The following SPTBN1 variants were observed in gnomAD, a reference collection of about 807,000 sequenced individuals.
The protein encoded by SPTBN1 is spectrin beta, non-erythrocytic 1.
In SPTBN1, 32 loss-of-function variants were observed where a neutral mutation model predicts 266.4. That is an observed-to-expected ratio of 0.12 (90% CI 0.09 to 0.16). SPTBN1 has a LOEUF of 0.16. Among genes scored for constraint, SPTBN1 ranks in the 10% least tolerant of loss-of-function variants. The pLI is 1.00. For synonymous variants in SPTBN1, 1,336 were observed against 1,162.2 expected, an observed-to-expected ratio of 1.15 and a Z score of -3.04; for missense variants, 2,296 against 3,067.1, an observed-to-expected ratio of 0.75 and a Z score of 5.94.
At chr2:54,486,382 A>G (rs889420202) in intron 1 of SPTBN1, among the ~76,000 whole-genome samples, 3 of 152,124 alleles carry the variant, frequency 2.0e-5, no homozygotes, top group African/African-American at 7.2e-5. Flanking sequence ...ACTAAGAAAA[A>G]TTCTTCTGCC....
intron 18 of SPTBN1, among the ~76,000 whole-genome samples, chr2:54,641,776 C>T (rs1279895234): frequency 1.3e-5 from 2 of 151,782 alleles, no homozygotes; most frequent in Non-Finnish European, 2.9e-5. Flanking sequence ...TGACCCACGT[C>T]GCTCTCCTTG....
At chr2:54,501,955 A>G (rs530298828) in intron 1 of SPTBN1, among the ~76,000 whole-genome samples, 1 of 152,364 alleles carries the variant, frequency 6.6e-6, no homozygotes, top group South Asian at 2.1e-4. Context: ...GGAGGTGATC[A>G]TTAGCATCTT....
Position 54,668,840 on chromosome 2 carries a change from C to CT in SPTBN1, c.*272dup. ...TTAGATCTCAGTATTTAAACTGTTC[C>CT]TCAATTTTGTGAGGCTGTGTTGGAA... On this transcript the variant is annotated 3_prime_UTR_variant, in exon 36 of 36. Coordinates refer to ENST00000356805, the MANE Select transcript of SPTBN1 (RefSeq NM_003128.3). 2.7e-6 allele frequency: 1 copy of CT among 370,376 alleles called. No homozygotes were observed. The highest frequency in any genetic ancestry group is 5.0e-6 in the Non-Finnish European group (1 of 200,884). The allele number at this position is 370,376 out of a possible 1,614,324, so 22.9% of individuals were successfully genotyped here.
At chr2:54,456,889 CGGCCCCTGACGCGGA>C (rs1192684737) in intron 1 of SPTBN1, among the ~76,000 whole-genome samples, 2 of 151,386 alleles carry the variant, frequency 1.3e-5, no homozygotes, top group Non-Finnish European at 3.0e-5. Context: ...CCGGGCGCGG[CGGCCCCTGACGCGGA>C]GGCCCCTGGC....
At chr2:54,503,443 C>T (rs888714829) in intron 1 of SPTBN1, among the ~76,000 whole-genome samples, 8 of 152,208 alleles carry the variant, frequency 5.3e-5, no homozygotes, top group Non-Finnish European at 1.0e-4. Flanking sequence ...GAACAAGATG[C>T]TCTTCAGAGA....
intron 1 of SPTBN1, among the ~76,000 whole-genome samples, chr2:54,502,542 T>C (rs1669329804): frequency 6.6e-6 from 1 of 152,046 alleles, no homozygotes. Context: ...AGTGGGGCTG[T>C]GTGTGCATGG....
intron 1 of SPTBN1, among the ~76,000 whole-genome samples, chr2:54,516,981 A>G (rs1670144215): frequency 6.6e-6 from 1 of 152,216 alleles, no homozygotes; most frequent in African/African-American, 2.4e-5. Context: ...CATTATCAGT[A>G]GAAAGGAATG....
intron 1 of SPTBN1, among the ~76,000 whole-genome samples, chr2:54,478,874 A>T: frequency 6.6e-6 from 1 of 151,914 alleles, no homozygotes; most frequent in East Asian, 1.9e-4. Flanking sequence ...ATAAAAAAAG[A>T]TGTATGTACG....
chr2:54,571,391 T>G (rs1674053998), intron 2 of SPTBN1, among the ~76,000 whole-genome samples: 2 of 152,248 alleles, frequency 1.3e-5, no homozygotes, highest in South Asian at 4.1e-4. Flanking sequence ...TATAATTGTA[T>G]TAAGAGGATG....
chr2:54,576,196 G>A (rs1191492030), intron 2 of SPTBN1, among the ~76,000 whole-genome samples: 5 of 151,418 alleles, frequency 3.3e-5, no homozygotes, highest in East Asian at 3.9e-4. Flanking sequence ...CTGGGATTAC[G>A]GGTGCCTGCC....
At chr2:54,506,197 A>C (rs1432594036) in intron 1 of SPTBN1, among the ~76,000 whole-genome samples, 1 of 152,176 alleles carries the variant, frequency 6.6e-6, no homozygotes, top group East Asian at 1.9e-4. Context: ...TGCTTGAATA[A>C]TTTGAATCCT....
At chr2:54,615,358 C>G (rs1207994589) in intron 4 of SPTBN1, among the ~76,000 whole-genome samples, 1 of 152,132 alleles carries the variant, frequency 6.6e-6, no homozygotes, top group Non-Finnish European at 1.5e-5. Flanking sequence ...GGACTCCTGG[C>G]CAGCACCATC....
chr2:54,477,128 CAGAG>C (rs929475072), intron 1 of SPTBN1, among the ~76,000 whole-genome samples: 1 of 152,076 alleles, frequency 6.6e-6, no homozygotes, highest in East Asian at 1.9e-4. Context: ...TGATAAGAAA[CAGAG>C]AGATAACTTT....
rs535873962 is a variant in SPTBN1 at position 54,558,832 on chromosome 2, G to A, written c.148+32266G>A. 1.6e-5 allele frequency: 26 copies of A among 1,613,892 alleles called. No homozygotes were observed. The South Asian group carries it at 2.9e-4, about 18-fold the overall frequency. On this transcript the variant is annotated intron_variant, in intron 2 of 35. Coordinates refer to ENST00000356805, the MANE Select transcript of SPTBN1 (RefSeq NM_003128.3). The surrounding 1 kb of genome is among the most constrained non-coding windows in gnomAD (Gnocchi z 4.6). ...CCGGGCCGCTGTCGCCGGCGTACAC[G>A]GGGCAGGTGCCTTACAACTACAACC... is the stretch of plus-strand genomic sequence containing the variant.
chr2:54,605,863 A>G (rs1312927682), intron 3 of SPTBN1, among the ~76,000 whole-genome samples: 1 of 152,184 alleles, frequency 6.6e-6, no homozygotes, highest in Non-Finnish European at 1.5e-5. Context: ...AGTTGCATCC[A>G]GGTCTGGAAT....
At chr2:54,657,178 G>A (rs753411370) in intron 29 of SPTBN1, among the ~76,000 whole-genome samples, 8 of 152,204 alleles carry the variant, frequency 5.3e-5, no homozygotes, top group Non-Finnish European at 1.0e-4. Context: ...TTTCCTCACA[G>A]GTGGAAGAAC....
intron 1 of SPTBN1, among the ~76,000 whole-genome samples, chr2:54,474,486 A>G (rs1338059023): frequency 1.3e-5 from 2 of 152,198 alleles, no homozygotes; most frequent in Non-Finnish European, 1.5e-5. Context: ...TAAGATCAGG[A>G]TAATCATAGT....
At chr2:54,604,870 C>T (rs1036801753) in intron 3 of SPTBN1, among the ~76,000 whole-genome samples, 2 of 152,166 alleles carry the variant, frequency 1.3e-5, no homozygotes, top group African/African-American at 4.8e-5. Flanking sequence ...TAAAAATAGG[C>T]ATTTCCTCAG....
chr2:54,571,764 A>G lies in SPTBN1; in HGVS notation c.149-27328A>G, dbSNP rs1217245898. Among the ~76,000 whole-genome samples the G allele has an allele frequency of 2.6e-5, 4 of 152,214 alleles. 1 individual carries two copies. The highest frequency in any genetic ancestry group is 5.9e-5 in the Non-Finnish European group (4 of 68,036). On this transcript the variant is annotated intron_variant, in intron 2 of 35. Transcript: ENST00000356805. Reference sequence around the variant, plus strand: ...ATACAAATAAATGTTTCATGAATAAAGGGATGAATGAGTAGGTAAAGTAAT... The same window carrying G: ...ATACAAATAAATGTTTCATGAATAAGGGGATGAATGAGTAGGTAAAGTAAT...
Sources: gnomAD v4.1 joint callset for allele counts (sites outside exome capture counted in the v4.1 genomes callset) on GRCh38, gnomAD v4.1.1 for gene constraint, Gnocchi (gnomAD v3.1) non-coding constraint, MANE v1.5 for transcripts, NCBI Gene and HGNC (gene_info 2026-07-23, HGNC 2026-07-21) for gene names.